The following RYR2 variants were observed in gnomAD, a reference collection of about 807,000 sequenced individuals.
RYR2 encodes the protein cardiac muscle ryanodine receptor-calcium release channel.
In RYR2, 227 loss-of-function variants were observed where a neutral mutation model predicts 601.1. The ratio of observed to expected loss-of-function variants is 0.38; its 90% CI spans 0.34 to 0.42. The LOEUF is 0.42. RYR2 is among the 10% of genes least tolerant of loss of function. RYR2 has a pLI of 1.00. For synonymous variants in RYR2, 2,223 were observed against 2,175.1 expected (o/e 1.02, Z -0.61); for missense variants, 4,646 against 6,156.5 (o/e 0.75, Z 8.21).
rs545075550 is a variant in RYR2, at chr1:237,380,569, C to T, written c.576+3134C>T. On this transcript the variant is annotated intron_variant, in intron 8 of 104. Transcript: ENST00000366574. Reference sequence around the variant, plus strand: ...TTAAATGCTGGAATCCAACAAGGCTCGTAGTTCTGTGAATGGCACATAAAA... The same window carrying T: ...TTAAATGCTGGAATCCAACAAGGCTTGTAGTTCTGTGAATGGCACATAAAA... Among the ~76,000 whole-genome samples the T allele has an allele frequency of 2.5e-3, 370 of 150,558 alleles. 1 individual carries two copies. The highest frequency in any genetic ancestry group is 8.7e-3 in the African/African-American group (354 of 40,900).
chr1:237,198,440 ATTTTTTTTT>A lies in RYR2; in HGVS notation c.49-72046_49-72038del, dbSNP rs145357805. On this transcript the variant is annotated intron_variant, in intron 1 of 104. Transcript: ENST00000366574. ...TATGTTTGAATATAGTGTTTCCTTG[ATTTTTTTTT>A]TTTTTTTTTTGGTATGGAAGTATTT... 8.5e-4 allele frequency among the ~76,000 whole-genome samples: 113 copies of A among 132,880 alleles called. 2 individuals are homozygous for A. The East Asian group carries it at 0.025, about 29-fold the overall frequency. The allele number at this position is 132,880 out of a possible 152,430, so 87.2% of individuals were successfully genotyped here. A position where few individuals can be genotyped will look rare whatever the true frequency, so the allele number is the denominator to read the frequency against.
chr1:237,268,963 GAAATAAAGGC>G (rs1689388436), intron 1 of RYR2, among the ~76,000 whole-genome samples: 1 of 103,838 alleles, frequency 9.6e-6, no homozygotes, highest in East Asian at 3.4e-4. Flanking sequence ...AAAAAAAAAG[GAAATAAAGGC>G]AAATAAAAGC....
At chr1:237,742,658 G>C (rs972061427) in intron 80 of RYR2, among the ~76,000 whole-genome samples, 11 of 152,158 alleles carry the variant, frequency 7.2e-5, no homozygotes, top group Non-Finnish European at 1.5e-4. Context: ...TCCAACAGAC[G>C]TGAGGAAAAT....
Position 237,291,561 on chromosome 1 carries a change from A to T in RYR2, c.168+20945A>T, listed in dbSNP as rs182760037. 1.8e-3 allele frequency among the ~76,000 whole-genome samples: 270 copies of T among 152,344 alleles called. 1 individual carries two copies. Among genetic ancestry groups the T allele is most frequent in the African/African-American group, 6.3e-3 (264 of 41,600 alleles). ...AAGATGTCCATCAGTAGGTGAACAAATAAACTGGTGCATCCAGACAATGGG... is the reference window on the plus strand; with the variant it reads ...AAGATGTCCATCAGTAGGTGAACAATTAAACTGGTGCATCCAGACAATGGG... On this transcript the variant is annotated intron_variant, in intron 2 of 104. Transcript: ENST00000366574.
intron 1 of RYR2, among the ~76,000 whole-genome samples, chr1:237,122,211 G>A (rs2485569): frequency 0.35 from 53,481 of 152,214 alleles, 11,523 homozygotes; most frequent in Admixed American, 0.49. Flanking sequence ...GCAACCCACC[G>A]GGATGCGCCA....
chr1:237,423,035 G>T (rs547230157), intron 11 of RYR2, 57 bp from the exon 12 acceptor site: 2 of 1,557,980 alleles, frequency 1.3e-6, no homozygotes, highest in Admixed American at 2.0e-5. Flanking sequence ...TGTTTTAATA[G>T]CTACTCCTTC....
chr1:237,396,501 A>G (rs1466014596), intron 10 of RYR2, among the ~76,000 whole-genome samples: 1 of 152,210 alleles, frequency 6.6e-6, no homozygotes, highest in Non-Finnish European at 1.5e-5. Flanking sequence ...GTGATGTTAA[A>G]TTATGTTTTC....
At chr1:237,313,561 G>A (rs1328859667) in intron 2 of RYR2, among the ~76,000 whole-genome samples, 5 of 152,232 alleles carry the variant, frequency 3.3e-5, no homozygotes, top group Admixed American at 2.0e-4. Context: ...TCTCCCTGGC[G>A]AGCTTCCAGA....
At chr1:237,705,485 T>C in intron 67 of RYR2, 142 bp downstream of exon 67, 1 of 695,168 alleles carries the variant, frequency 1.4e-6, no homozygotes, top group Non-Finnish European at 2.4e-6. Flanking sequence ...TGTTTGGTAT[T>C]CTATGTGATG....
intron 24 of RYR2, among the ~76,000 whole-genome samples, chr1:237,525,697 T>G (rs1451771277): frequency 6.6e-6 from 1 of 151,938 alleles, no homozygotes; most frequent in African/African-American, 2.4e-5. Context: ...AATGATTTCT[T>G]GGACAGATGC....
chr1:237,381,037 C>T (rs1701467060), intron 8 of RYR2, among the ~76,000 whole-genome samples: 1 of 151,820 alleles, frequency 6.6e-6, no homozygotes, highest in Admixed American at 6.6e-5. Flanking sequence ...GAGATCGCAC[C>T]ATTGCATTCC....
intron 104 of RYR2, among the ~76,000 whole-genome samples, chr1:237,832,071 G>T (rs1042867797): frequency 3.9e-5 from 6 of 151,972 alleles, no homozygotes; most frequent in African/African-American, 9.7e-5. Flanking sequence ...TTGAGACAAG[G>T]TCTTGCTGTT....
rs924954477 is a variant in RYR2, at chr1:237,235,285, T to G, written c.49-35212T>G. ...ATCTAGCCTTTCCCAAGTTGCTCTC[T>G]CCTGTTCGCTACTGCACAGCTGTTA... On this transcript the variant is annotated intron_variant, in intron 1 of 104. Transcript: ENST00000366574. Among the ~76,000 whole-genome samples the G allele has an allele frequency of 2.0e-5, 3 of 152,216 alleles. No homozygotes were observed. The East Asian group carries it at 5.8e-4, about 29-fold the overall frequency.
chr1:237,365,946 A>G lies in RYR2; in HGVS notation c.309+1574A>G, dbSNP rs531913326. Among the ~76,000 whole-genome samples, 21 of 152,390 alleles carry G rather than the reference A, an allele frequency of 1.4e-4. 1 individual carries two copies. The South Asian group carries it at 3.3e-3, about 24-fold the overall frequency. ...CCAGTTCTTTTAACTTCGAGGCCAG[A>G]AGGCCAATAGTTATTTTCACACTTG... On this transcript the variant is annotated intron_variant, in intron 5 of 104. Coordinates refer to ENST00000366574, the MANE Select transcript of RYR2 (RefSeq NM_001035.3).
At chr1:237,821,513 C>A (rs1251979649) in intron 101 of RYR2, among the ~76,000 whole-genome samples, 1 of 152,076 alleles carries the variant, frequency 6.6e-6, no homozygotes, top group Admixed American at 6.5e-5. Flanking sequence ...GAGACTCCAT[C>A]CGAAGGTCAC....
intron 17 of RYR2, among the ~76,000 whole-genome samples, chr1:237,489,176 C>T (rs750500177): frequency 8.5e-5 from 13 of 152,074 alleles, no homozygotes; most frequent in South Asian, 6.2e-4. Flanking sequence ...AATAACCCAA[C>T]GAGCAAAAGC....
chr1:237,761,316 G>A (rs538881416), intron 84 of RYR2, among the ~76,000 whole-genome samples: 1 of 152,230 alleles, frequency 6.6e-6, no homozygotes, highest in South Asian at 2.1e-4. Flanking sequence ...TCCTTTATTA[G>A]AGAATTTTCT....
At position 237,418,105 on chromosome 1, in the gene RYR2, C is replaced by T. The variant is rs1017586358; in HGVS notation, c.848+982C>T. 1.5e-4 allele frequency among the ~76,000 whole-genome samples: 23 copies of T among 152,036 alleles called. 1 individual carries two copies. The highest frequency in any genetic ancestry group is 5.3e-4 in the African/African-American group (22 of 41,392). On this transcript the variant is annotated intron_variant, in intron 11 of 104. Transcript: ENST00000366574. ...TCACTCAGGCTGGAGTGCAGTGGCG[C>T]GATCTCGGTTCACTGCAAGCTCCAC...
At chr1:237,074,860 T>G (rs1311391208) in intron 1 of RYR2, among the ~76,000 whole-genome samples, 1 of 152,014 alleles carries the variant, frequency 6.6e-6, no homozygotes, top group Non-Finnish European at 1.5e-5. Context: ...TGGGCAAGAG[T>G]TGATTTGCAG....
Sources: allele counts gnomAD v4.1 joint callset (sites outside exome capture counted in the v4.1 genomes callset), GRCh38; gene constraint gnomAD v4.1.1; transcripts MANE v1.5; gene names NCBI Gene and HGNC (gene_info 2026-07-23, HGNC 2026-07-21).